PMPCB: variants seen among roughly 807,000 people sequenced by gnomAD.
PMPCB encodes mitochondrial-processing peptidase subunit beta.
PMPCB carries 46 observed loss-of-function variants against 61.5 expected under a neutral mutation model. The ratio of observed to expected loss-of-function variants is 0.75; its 90% CI spans 0.59 to 0.96. The LOEUF is 0.96. Among genes scored for constraint, PMPCB ranks in the 40% least tolerant of loss-of-function variants. The pLI, the probability that PMPCB is intolerant of heterozygous loss-of-function variation, is 0.00. For missense variants in PMPCB, 590 were observed against 602.4 expected, an observed-to-expected ratio of 0.98 and a Z score of 0.22; for synonymous variants, 191 against 201.6, an observed-to-expected ratio of 0.95 and a Z score of 0.44.
chr7:103,317,008 C>T (rs755749192), downstream of PMPCB: 15 of 1,612,462 alleles, frequency 9.3e-6, no homozygotes, highest in Admixed American at 1.7e-5. Flanking sequence ...TCATTTATTT[C>T]TTCTATCTGC....
chr7:103,298,310 T>C (rs1817349378), intron 1 of PMPCB, among the ~76,000 whole-genome samples: 1 of 152,034 alleles, frequency 6.6e-6, no homozygotes, highest in African/African-American at 2.4e-5. Context: ...AAAGTCAATT[T>C]CTCTCTGGGT....
chr7:103,322,653 T>A (rs770751109), intron 12 of PMPCB: 1 of 1,613,112 alleles, frequency 6.2e-7, no homozygotes, highest in East Asian at 2.2e-5. Context: ...AAAAAGTTAA[T>A]CTCATTTTGA....
rs925271963 is a variant in PMPCB at position 103,313,453 on chromosome 7, C to G, written c.*1182C>G. On this transcript the variant is annotated 3_prime_UTR_variant, in exon 13 of 13. Transcript: ENST00000249269. ...ACTCTTGGACTCAAAAACACAACCA[C>G]AATTCATTAAGAGTTCTGATAAATC... 1 of 984,820 alleles carries G rather than the reference C, an allele frequency of 1.0e-6. No individual in the cohort carries two copies. Among genetic ancestry groups the G allele is most frequent in the African/African-American group, 1.7e-5 (1 of 57,320 alleles). 61.0% of individuals were successfully genotyped at this position (984,820 alleles called of 1,614,324 possible).
At chr7:103,326,826 A>AT in intron 12 of PMPCB, 2 of 759,378 alleles carry the variant, frequency 2.6e-6, no homozygotes. Context: ...GGAGGATTTA[A>AT]TTTAGGTAAC....
At chr7:103,347,028 T>A in the PMPCB span, among the ~76,000 whole-genome samples, 1 of 152,246 alleles carries the variant, frequency 6.6e-6, no homozygotes, top group African/African-American at 2.4e-5. Flanking sequence ...ATCGAATTGC[T>A]AGGTGGCATG....
chr7:103,317,166 G>C (rs868647639), downstream of PMPCB: 153 of 661,604 alleles, frequency 2.3e-4, 1 homozygote, highest in Middle Eastern at 2.4e-3. Context: ...AGAAGCACCA[G>C]CTTTTCACTC....
rs542470853 is a variant in PMPCB, at chr7:103,312,846, A to G, written c.*575A>G. 5.1e-5 allele frequency: 78 copies of G among 1,526,450 alleles called. No individual in the cohort carries two copies. The South Asian group carries it at 1.0e-3, about 20-fold the overall frequency. The allele number at this position is 1,526,450 out of a possible 1,614,324, so 94.6% of individuals were successfully genotyped here. A position where few individuals can be genotyped will look rare whatever the true frequency, so the allele number is the denominator to read the frequency against. Reference sequence around the variant, plus strand: ...ACCCCATAACTACTGGTTTTGAAATAAGCACTATATTATTAACCACTTAAT... The same window carrying G: ...ACCCCATAACTACTGGTTTTGAAATGAGCACTATATTATTAACCACTTAAT... On this transcript the variant is annotated 3_prime_UTR_variant, in exon 13 of 13. Transcript: ENST00000249269.
At chr7:103,334,811 G>T in the PMPCB span, among the ~76,000 whole-genome samples, 1 of 152,074 alleles carries the variant, frequency 6.6e-6, no homozygotes, top group Non-Finnish European at 1.5e-5. Context: ...CAAGGGTTCA[G>T]AAACAGTGAC....
chr7:103,312,923 T>C lies in PMPCB; in HGVS notation c.*652T>C, dbSNP rs1563452005. 2 of 1,595,298 alleles carry C rather than the reference T, an allele frequency of 1.3e-6. No homozygotes were observed. Among genetic ancestry groups the C allele is most frequent in the South Asian group, 1.1e-5 (1 of 87,430 alleles). On this transcript the variant is annotated 3_prime_UTR_variant, in exon 13 of 13. Transcript: ENST00000249269. Reference sequence around the variant, plus strand: ...CAAGCTACAATTTAAAATACAACAATCTATAAACGCTTAAGTCTGCAACCT... The same window carrying C: ...CAAGCTACAATTTAAAATACAACAACCTATAAACGCTTAAGTCTGCAACCT...
intron 12 of PMPCB, among the ~76,000 whole-genome samples, chr7:103,328,023 C>T (rs1470204569): frequency 6.6e-6 from 1 of 152,006 alleles, no homozygotes; most frequent in Non-Finnish European, 1.5e-5. Flanking sequence ...CGGGTTCAAG[C>T]GATTCTCCTG....
At chr7:103,297,873 G>C in intron 1 of PMPCB, 1 of 1,430,878 alleles carries the variant, frequency 7.0e-7, no homozygotes, top group Non-Finnish European at 9.2e-7. Context: ...AGTGAAATGG[G>C]TACCGCTCCA....
chr7:103,344,480 G>C, the PMPCB span: 4 of 1,530,460 alleles, frequency 2.6e-6, no homozygotes, highest in African/African-American at 4.1e-5. Context: ...AGGGTAGAGA[G>C]AGCCCAGGGT....
At chr7:103,344,820 C>T in the PMPCB span, 1 of 610,316 alleles carries the variant, frequency 1.6e-6, no homozygotes, top group Non-Finnish European at 2.9e-6. Context: ...TCACACCCTC[C>T]CACCCCCGCC....
chr7:103,344,779 G>C, the PMPCB span: 11 of 687,702 alleles, frequency 1.6e-5, no homozygotes, highest in Non-Finnish European at 2.5e-5. Flanking sequence ...AGCACTTCCG[G>C]GATGGATCTT....
At chr7:103,323,178 C>A (rs937505530) in intron 12 of PMPCB, among the ~76,000 whole-genome samples, 2 of 152,188 alleles carry the variant, frequency 1.3e-5, no homozygotes, top group African/African-American at 4.8e-5. Context: ...GATCTGCCCG[C>A]CTCAGCCTCC....
chr7:103,299,578 G>C, intron 3 of PMPCB, 49 bp downstream of exon 3: 1 of 1,064,040 alleles, frequency 9.4e-7, no homozygotes. Context: ...GAGATAATAA[G>C]CACAAAGTCT....
In PMPCB at chr7:103,313,946, T is replaced by G; in HGVS notation, c.*1675T>G. 1.0e-6 allele frequency: 1 copy of G among 985,356 alleles called. No homozygotes were observed. Among genetic ancestry groups the G allele is most frequent in the Non-Finnish European group, 1.2e-6 (1 of 829,870 alleles). 61.0% of individuals were successfully genotyped at this position (985,356 alleles called of 1,614,324 possible). A position where few individuals can be genotyped will look rare whatever the true frequency, so the allele number is the denominator to read the frequency against. On this transcript the variant is annotated 3_prime_UTR_variant, in exon 13 of 13. Coordinates refer to ENST00000249269, the MANE Select transcript of PMPCB (RefSeq NM_004279.3). ...AGACTAATACTACCAGTAGCCTGAC[T>G]ACTACTAGAAACTGCGGCCTGTGAG...
At chr7:103,322,815 GAAAC>G in intron 12 of PMPCB, 4 of 1,562,782 alleles carry the variant, frequency 2.6e-6, no homozygotes, top group East Asian at 2.2e-5. Flanking sequence ...GAAAATATTG[GAAAC>G]AAACTACTGC....
At chr7:103,337,620 C>A in the PMPCB span, 4 of 810,508 alleles carry the variant, frequency 4.9e-6, no homozygotes, top group Non-Finnish European at 7.9e-6. Context: ...CAATATAACA[C>A]ATGCTGTTAA....
Sources: gnomAD v4.1 joint callset for allele counts (sites outside exome capture counted in the v4.1 genomes callset) on GRCh38, gnomAD v4.1.1 for gene constraint, MANE v1.5 for transcripts, NCBI Gene and HGNC (gene_info 2026-07-23, HGNC 2026-07-21) for gene names.